Variants in ELMOD1 observed in about 807,000 individuals in gnomAD.
ELMOD1 encodes the protein ELMO domain-containing protein 1.
A neutral mutation model predicts 46.7 loss-of-function variants in ELMOD1; 21 were observed. That is an observed-to-expected ratio of 0.45 (90% confidence interval 0.32 to 0.65). The LOEUF (loss-of-function observed/expected upper bound fraction) is 0.65. Among genes scored for constraint, ELMOD1 ranks in the 30% least tolerant of loss-of-function variants. The pLI, the probability that ELMOD1 is intolerant of heterozygous loss-of-function variation, is 0.04. For synonymous variants in ELMOD1, 122 were observed against 138.2 expected, an observed-to-expected ratio of 0.88 and a Z score of 0.82; for missense variants, 348 against 407.8, an observed-to-expected ratio of 0.85 and a Z score of 1.26.
At chr11:107,606,210 A>G (rs1865682742) in intron 1 of ELMOD1, among the ~76,000 whole-genome samples, 1 of 152,218 alleles carries the variant, frequency 6.6e-6, no homozygotes, top group Non-Finnish European at 1.5e-5. Context: ...ATGAAGCAGG[A>G]TGCAAACTTA....
At chr11:107,608,748 A>C (rs926522891) in intron 1 of ELMOD1, among the ~76,000 whole-genome samples, 14 of 152,194 alleles carry the variant, frequency 9.2e-5, no homozygotes, top group Admixed American at 7.2e-4. Context: ...AGGAAAGGAG[A>C]GAGTTTATTT....
At chr11:107,631,278 G>A (rs1257214954) in intron 4 of ELMOD1, among the ~76,000 whole-genome samples, 1 of 151,784 alleles carries the variant, frequency 6.6e-6, no homozygotes, top group Non-Finnish European at 1.5e-5. Flanking sequence ...AACTATGTTG[G>A]GCGAGGAAAT....
At chr11:107,606,812 C>G (rs1052901398) in intron 1 of ELMOD1, among the ~76,000 whole-genome samples, 1 of 151,734 alleles carries the variant, frequency 6.6e-6, no homozygotes, top group African/African-American at 2.4e-5. Context: ...AAGCAAGACT[C>G]TGTCTCAAAA....
Position 107,631,688 on chromosome 11 carries a change from G to A in ELMOD1, c.290+11G>A. 2 of 1,393,916 alleles carry A rather than the reference G, an allele frequency of 1.4e-6. No homozygotes were observed. Among genetic ancestry groups the A allele is most frequent in the Non-Finnish European group, 2.0e-6 (2 of 1,013,558 alleles). The allele number at this position is 1,393,916 out of a possible 1,614,324, so 86.3% of individuals were successfully genotyped here. On this transcript the variant is annotated intron_variant, in intron 5 of 11. Transcript: ENST00000265840. The stretch of plus-strand genomic sequence containing the variant: ...TGACGTAAATCCACAGTAAGAATAT[G>A]TTTCTTATGTCAAAAATACAGAACA...
chr11:107,596,552 G>A (rs1784270), intron 1 of ELMOD1, among the ~76,000 whole-genome samples: 20,313 of 152,010 alleles, frequency 0.13, 1,778 homozygotes, highest in African/African-American at 0.25. Context: ...ACTGAAATGA[G>A]CAAAAACTTA....
rs541636162 is a variant in ELMOD1 at position 107,591,736 on chromosome 11, AG to A, written c.-86+330del. The A allele has an allele frequency of 2.5e-3, 986 of 394,796 alleles. 1 individual carries two copies. The highest frequency in any genetic ancestry group is 4.1e-3 in the Non-Finnish European group (775 of 189,046). The allele number at this position is 394,796 out of a possible 1,614,324, so 24.5% of individuals were successfully genotyped here. ...CGACCTAACGCCGAGGGCTCGGGGA[AG>A]GGATCCCAGACAGAGCCAAAATGGA... On this transcript the variant is annotated intron_variant, in intron 1 of 11. Transcript: ENST00000265840.
chr11:107,613,908 T>G (rs1296117413), intron 1 of ELMOD1, among the ~76,000 whole-genome samples: 3 of 152,236 alleles, frequency 2.0e-5, no homozygotes, highest in Non-Finnish European at 4.4e-5. Context: ...CCCAAATCTT[T>G]GTTTCCAACC....
At chr11:107,621,897 G>T (rs939224618) in intron 2 of ELMOD1, among the ~76,000 whole-genome samples, 2 of 152,042 alleles carry the variant, frequency 1.3e-5, no homozygotes, top group African/African-American at 4.8e-5. Flanking sequence ...CATGGCGGTG[G>T]GTGCCTGTAA....
intron 1 of ELMOD1, among the ~76,000 whole-genome samples, chr11:107,612,891 C>G (rs1172776173): frequency 6.6e-6 from 1 of 152,140 alleles, no homozygotes; most frequent in Non-Finnish European, 1.5e-5. Flanking sequence ...CTTCTGCCAC[C>G]CAAAGCCATT....
chr11:107,611,704 C>CAAAAAAAAAAAA (rs71470853), intron 1 of ELMOD1, among the ~76,000 whole-genome samples: 1 of 55,800 alleles, frequency 1.8e-5, no homozygotes, highest in Non-Finnish European at 3.2e-5. Flanking sequence ...GACTCCATCT[C>CAAAAAAAAAAAA]AAAAAAAAAA....
chr11:107,633,484 G>A (rs767934160), intron 5 of ELMOD1, among the ~76,000 whole-genome samples: 1 of 152,134 alleles, frequency 6.6e-6, no homozygotes. Flanking sequence ...CCAGGCTGGA[G>A]TGCAATGGCG....
At chr11:107,663,006 G>A (rs1866770299) in intron 11 of ELMOD1, among the ~76,000 whole-genome samples, 1 of 72,336 alleles carries the variant, frequency 1.4e-5, no homozygotes, top group Non-Finnish European at 3.3e-5. Context: ...TGAGATTACA[G>A]GTGTGAGCCA....
chr11:107,599,755 A>AAAAAAAAAAAAAAG lies in ELMOD1; in HGVS notation c.-86+8350_-86+8351insAAAAAAAAAGAAAA, dbSNP rs1555058610. Among the ~76,000 whole-genome samples, 27 of 138,878 alleles carry AAAAAAAAAAAAAAG rather than the reference A, an allele frequency of 1.9e-4. 1 individual carries two copies. Among genetic ancestry groups the AAAAAAAAAAAAAAG allele is most frequent in the African/African-American group, 6.6e-4 (22 of 33,104 alleles). The allele number at this position is 138,878 out of a possible 152,430, so 91.1% of individuals were successfully genotyped here. A position where few individuals can be genotyped will look rare whatever the true frequency, so the allele number is the denominator to read the frequency against. On this transcript the variant is annotated intron_variant, in intron 1 of 11. Coordinates refer to ENST00000265840, the MANE Select transcript of ELMOD1 (RefSeq NM_018712.4). Reference sequence around the variant, plus strand: ...AGACCTGTCTCAAAAAAAAAAAGAAAAAAAGAAAAGAAAAAAAAAAAAAAC... The same window carrying AAAAAAAAAAAAAAG: ...AGACCTGTCTCAAAAAAAAAAAGAAAAAAAAAAAAAAAAGAAAAGAAAAGAAAAAAAAAAAAAAC...
intron 2 of ELMOD1, among the ~76,000 whole-genome samples, chr11:107,629,158 C>G (rs1001269565): frequency 6.6e-6 from 1 of 152,008 alleles, no homozygotes; most frequent in Non-Finnish European, 1.5e-5. Flanking sequence ...TCAGACTGTT[C>G]GAGTTTTTAT....
intron 5 of ELMOD1, among the ~76,000 whole-genome samples, chr11:107,634,434 C>T (rs575386818): frequency 2.0e-5 from 3 of 152,024 alleles, no homozygotes; most frequent in Admixed American, 6.6e-5. Flanking sequence ...GGACTGAGAA[C>T]GATCATAAAA....
At chr11:107,605,994 T>A (rs2135659436) in intron 1 of ELMOD1, among the ~76,000 whole-genome samples, 1 of 152,390 alleles carries the variant, frequency 6.6e-6, no homozygotes, top group South Asian at 2.1e-4. Context: ...ATTTTATTCA[T>A]GCTTCAAATG....
chr11:107,591,661 G>C (rs1865393991), intron 1 of ELMOD1: 1 of 364,298 alleles, frequency 2.7e-6, no homozygotes, highest in Non-Finnish European at 5.7e-6. Flanking sequence ...AGAGGCTGCA[G>C]GTCGGCGCGA....
chr11:107,618,991 C>A (rs1865905221), intron 2 of ELMOD1, among the ~76,000 whole-genome samples: 1 of 152,156 alleles, frequency 6.6e-6, no homozygotes, highest in South Asian at 2.1e-4. Flanking sequence ...AAGATGGTGA[C>A]CTGCTTCTGT....
chr11:107,627,109 T>A (rs1048077540), intron 2 of ELMOD1, among the ~76,000 whole-genome samples: 3 of 152,146 alleles, frequency 2.0e-5, no homozygotes, highest in African/African-American at 7.2e-5. Context: ...ATTAAAAAAA[T>A]ACAGTAACTA....
Sources: gnomAD v4.1 joint callset for allele counts (sites outside exome capture counted in the v4.1 genomes callset) on GRCh38, gnomAD v4.1.1 for gene constraint, MANE v1.5 for transcripts, NCBI Gene and HGNC (gene_info 2026-07-23, HGNC 2026-07-21) for gene names.